The following DLGAP2 variants were observed in gnomAD, a reference collection of about 807,000 sequenced individuals.
DLGAP2 encodes the protein DLG associated protein 2, also known as disks large-associated protein 2.
Under a neutral mutation model 100.3 loss-of-function variants are expected in DLGAP2, and 26 were observed. The observed-to-expected ratio is 0.26, with a 90% confidence interval of 0.19 to 0.36. DLGAP2 has a LOEUF of 0.36. DLGAP2 is among the 10% of genes least tolerant of loss of function. The pLI is 1.00. For missense variants in DLGAP2, 1,858 were observed against 1,453.2 expected, an observed-to-expected ratio of 1.28 and a Z score of -4.53; for synonymous variants, 886 against 630.1, an observed-to-expected ratio of 1.41 and a Z score of -6.08.
intron 2 of DLGAP2, among the ~76,000 whole-genome samples, chr8:1,005,563 C>A (rs1164165580): frequency 6.7e-6 from 1 of 149,806 alleles, no homozygotes; most frequent in Non-Finnish European, 1.5e-5. Context: ...TGTGTGCCAC[C>A]ATGCCCAGCT....
At chr8:1,229,041 C>G (rs1462710570) in intron 2 of DLGAP2, among the ~76,000 whole-genome samples, 2 of 152,034 alleles carry the variant, frequency 1.3e-5, no homozygotes, top group African/African-American at 4.8e-5. Flanking sequence ...AATTTCCTAA[C>G]AAATTATTAG....
chr8:1,323,453 A>G (rs7465605), intron 3 of DLGAP2, among the ~76,000 whole-genome samples: 1,631 of 152,330 alleles, frequency 0.011, 18 homozygotes, highest in South Asian at 0.041. Flanking sequence ...CGTGACAACC[A>G]TGGCAAGGGA....
rs552417885 is a variant in DLGAP2, at chr8:1,682,331, G to A, written c.2704+3702G>A. Among the ~76,000 whole-genome samples the A allele has an allele frequency of 2.6e-5, 4 of 152,334 alleles. No homozygotes were observed. In the East Asian group the frequency reaches 7.7e-4, roughly 29 times the overall value. On this transcript the variant is annotated intron_variant, in intron 12 of 14. Transcript: ENST00000637795. ...CAAAGGGCTTTAGTGCTGAGGCCCT[G>A]TCATGGTAAGTCCTGGTTTTCTGTC...
chr8:1,378,491 G>A (rs1053803800), intron 3 of DLGAP2, among the ~76,000 whole-genome samples: 2 of 127,880 alleles, frequency 1.6e-5, no homozygotes, highest in African/African-American at 6.0e-5. Flanking sequence ...CACACACCTG[G>A]CCTCACCTGT....
At chr8:1,660,457 A>G (rs1334125922) in intron 8 of DLGAP2, among the ~76,000 whole-genome samples, 1 of 152,236 alleles carries the variant, frequency 6.6e-6, no homozygotes, top group African/African-American at 2.4e-5. Context: ...CAAAAGCTAT[A>G]TTTAAAATAT....
At chr8:1,295,192 C>G (rs999640163) in intron 3 of DLGAP2, among the ~76,000 whole-genome samples, 1 of 152,150 alleles carries the variant, frequency 6.6e-6, no homozygotes, top group African/African-American at 2.4e-5. Context: ...ACAGACATGG[C>G]GGCAAGAGTG....
intron 2 of DLGAP2, among the ~76,000 whole-genome samples, chr8:1,051,583 G>A (rs956118579): frequency 6.6e-6 from 1 of 152,204 alleles, no homozygotes; most frequent in Non-Finnish European, 1.5e-5. Context: ...AATAGAAATA[G>A]ACTTGCTACT....
rs143323662 is a variant in DLGAP2 at position 1,334,756 on chromosome 8, C to G, written c.106+75873C>G. Among the ~76,000 whole-genome samples the G allele has an allele frequency of 2.4e-4, 37 of 152,334 alleles. No homozygotes were observed. The East Asian group carries it at 5.4e-3, about 22-fold the overall frequency. On this transcript the variant is annotated intron_variant, in intron 3 of 14. Coordinates refer to ENST00000637795, the MANE Select transcript of DLGAP2 (RefSeq NM_001346810.2). Reference sequence around the variant, plus strand: ...CACCACATGGAAGCTATTTCTCATACCACCGAGAAGCCATAATGTAACATG... The same window carrying G: ...CACCACATGGAAGCTATTTCTCATAGCACCGAGAAGCCATAATGTAACATG...
intron 3 of DLGAP2, among the ~76,000 whole-genome samples, chr8:1,327,821 G>T (rs1585263565): frequency 1.3e-5 from 2 of 152,126 alleles, no homozygotes; most frequent in African/African-American, 4.8e-5. Flanking sequence ...TCCAGCCTGG[G>T]CAACAGAGGG....
chr8:1,256,366 G>C (rs1480230407), intron 2 of DLGAP2, among the ~76,000 whole-genome samples: 2 of 138,820 alleles, frequency 1.4e-5, no homozygotes, highest in Non-Finnish European at 3.0e-5. Context: ...CGGGTGCTGT[G>C]TGTGTGTCCT....
chr8:1,670,453 ACCCCTT>A (rs1798662383), intron 10 of DLGAP2, among the ~76,000 whole-genome samples: 1 of 151,696 alleles, frequency 6.6e-6, no homozygotes, highest in Non-Finnish European at 1.5e-5. Flanking sequence ...CTGTGCCTTT[ACCCCTT>A]CCCGGAGGCC....
chr8:957,498 T>TA (rs978912494), intron 2 of DLGAP2, among the ~76,000 whole-genome samples: 8 of 152,236 alleles, frequency 5.3e-5, no homozygotes. Flanking sequence ...GAGATGCTGA[T>TA]ATTAGGCCAC....
chr8:1,457,187 G>A (rs901682497), intron 3 of DLGAP2, among the ~76,000 whole-genome samples: 4 of 152,202 alleles, frequency 2.6e-5, no homozygotes, highest in Middle Eastern at 3.4e-3. Context: ...TTGTGTATTC[G>A]TTTTCATCCC....
At chr8:1,129,973 C>T (rs34175152) in intron 2 of DLGAP2, among the ~76,000 whole-genome samples, 4 of 152,186 alleles carry the variant, frequency 2.6e-5, no homozygotes, top group Non-Finnish European at 5.9e-5. Flanking sequence ...TGAGTAAGGA[C>T]AGGCAGTTCT....
chr8:1,158,025 T>C (rs1186885953), intron 2 of DLGAP2, among the ~76,000 whole-genome samples: 1 of 152,238 alleles, frequency 6.6e-6, no homozygotes, highest in Non-Finnish European at 1.5e-5. Flanking sequence ...CCAAAGTGGT[T>C]AAATCATGGC....
chr8:868,878 G>A (rs1463713599), intron 1 of DLGAP2, among the ~76,000 whole-genome samples: 1 of 152,222 alleles, frequency 6.6e-6, no homozygotes, highest in African/African-American at 2.4e-5. Flanking sequence ...TGGGGGCCGC[G>A]CAGGTTCCAG....
intron 8 of DLGAP2, among the ~76,000 whole-genome samples, chr8:1,646,550 A>G (rs1056733779): frequency 3.3e-5 from 5 of 152,262 alleles, no homozygotes; most frequent in Admixed American, 3.3e-4. Context: ...TAAAATGATC[A>G]GAGAATTTAC....
At chr8:1,698,715 CAT>C in intron 14 of DLGAP2, among the ~76,000 whole-genome samples, 1 of 151,032 alleles carries the variant, frequency 6.6e-6, no homozygotes, top group Middle Eastern at 3.6e-3. Context: ...ATAAGCCATG[CAT>C]GGGACAGGTC....
At chr8:1,057,328 A>C (rs1802912660) in intron 2 of DLGAP2, among the ~76,000 whole-genome samples, 1 of 152,268 alleles carries the variant, frequency 6.6e-6, no homozygotes, top group Non-Finnish European at 1.5e-5. Context: ...ATTAAGAAAC[A>C]GGAGTTTTAA....
Sources: gnomAD v4.1 joint callset for allele counts (sites outside exome capture counted in the v4.1 genomes callset) on GRCh38, gnomAD v4.1.1 for gene constraint, MANE v1.5 for transcripts, NCBI Gene and HGNC (gene_info 2026-07-23, HGNC 2026-07-21) for gene names.